The following ZBTB2 variants were observed in gnomAD, a reference collection of about 807,000 sequenced individuals.
ZBTB2 encodes zinc finger and BTB domain-containing protein 2.
ZBTB2 carries 2 observed loss-of-function variants against 39.5 expected under a neutral mutation model. The ratio of observed to expected loss-of-function variants is 0.05; its 90% CI spans 0.02 to 0.16. The LOEUF (loss-of-function observed/expected upper bound fraction) is 0.16, where lower values mean the gene tolerates loss of function less well. ZBTB2 is among the 10% of genes least tolerant of loss of function. ZBTB2 has a pLI of 1.00. For synonymous variants in ZBTB2, 251 were observed against 256.6 expected (o/e 0.98, Z 0.21); for missense variants, 391 against 653.0 (o/e 0.60, Z 4.37).
intron 1 of ZBTB2, among the ~76,000 whole-genome samples, chr6:151,385,978 C>T (rs1193382200): frequency 6.6e-6 from 1 of 152,042 alleles, no homozygotes; most frequent in Non-Finnish European, 1.5e-5. Context: ...GAGGCATAAA[C>T]AGCACTTATT....
intron 1 of ZBTB2, among the ~76,000 whole-genome samples, chr6:151,374,129 G>C (rs1778850296): frequency 6.6e-6 from 1 of 152,102 alleles, no homozygotes; most frequent in South Asian, 2.1e-4. Flanking sequence ...CTTCCACAGA[G>C]ATAGATAAAT....
rs115398588 is a variant in ZBTB2 at position 151,366,556 on chromosome 6, C to T, written c.510G>A (p.Gln170=). Residue 170 remains glutamine, a synonymous_variant, in exon 3 of 3, where the codon CAG becomes CAA. Coordinates refer to ENST00000325144, the MANE Select transcript of ZBTB2 (RefSeq NM_020861.3). The surrounding 1 kb of genome is among the most constrained non-coding windows in gnomAD (Gnocchi z 7.1). ...RPQTSRISQE[Q]VPEASQLSQL... is the part of the protein sequence containing the mutation. Reference sequence around the variant, plus strand: ...GGGAGAGCTGTGAGGCCTCAGGGACCTGCTCCTGGCTTATCCTGGAGGTCT... The same window carrying T: ...GGGAGAGCTGTGAGGCCTCAGGGACTTGCTCCTGGCTTATCCTGGAGGTCT... 6.3e-4 allele frequency: 1,012 copies of T among 1,614,096 alleles called. 2 individuals are homozygous for T. The African/African-American group carries it at 0.012, about 19-fold the overall frequency.
rs1301121824 is a variant in ZBTB2, at chr6:151,365,495, G to C, written c.*26C>G. 1.3e-6 allele frequency: 2 copies of C among 1,571,148 alleles called. No homozygotes were observed. The highest frequency in any genetic ancestry group is 1.9e-5 in the Admixed American group (1 of 51,574). On this transcript the variant is annotated 3_prime_UTR_variant, in exon 3 of 3. Transcript: ENST00000325144. The surrounding 1 kb of genome is among the most constrained non-coding windows in gnomAD (Gnocchi z 5.6). ...GGGAAGATAGTCTTTGTAAAAATGAGAGTTTTTTAAAAAGATAAGTGACAT... is the reference window on the plus strand; with the variant it reads ...GGGAAGATAGTCTTTGTAAAAATGACAGTTTTTTAAAAAGATAAGTGACAT...
chr6:151,365,402 G>A lies in ZBTB2; in HGVS notation c.*119C>T, dbSNP rs2114847358. 8.5e-7 allele frequency: 1 copy of A among 1,183,194 alleles called. No homozygotes were observed. 73.3% of individuals were successfully genotyped at this position (1,183,194 alleles called of 1,614,324 possible). A position where few individuals can be genotyped will look rare whatever the true frequency, so the allele number is the denominator to read the frequency against. Reference sequence around the variant, plus strand: ...GGCTGGGATGTGGAAAAGGGGAAGAGGAGAAGAGAACAAGGACCTGTTTGT... The same window carrying A: ...GGCTGGGATGTGGAAAAGGGGAAGAAGAGAAGAGAACAAGGACCTGTTTGT... On this transcript the variant is annotated 3_prime_UTR_variant, in exon 3 of 3. Coordinates refer to ENST00000325144, the MANE Select transcript of ZBTB2 (RefSeq NM_020861.3). The surrounding 1 kb of genome is among the most constrained non-coding windows in gnomAD (Gnocchi z 5.6).
intron 1 of ZBTB2, among the ~76,000 whole-genome samples, chr6:151,377,685 G>A (rs758829739): frequency 1.1e-4 from 17 of 151,568 alleles, no homozygotes; most frequent in Admixed American, 7.2e-4. Flanking sequence ...GACTACAAGC[G>A]CCCACCACCA....
Position 151,365,318 on chromosome 6 carries a change from C to T in ZBTB2, c.*203G>A. On this transcript the variant is annotated 3_prime_UTR_variant, in exon 3 of 3. Coordinates refer to ENST00000325144, the MANE Select transcript of ZBTB2 (RefSeq NM_020861.3). The surrounding 1 kb of genome is among the most constrained non-coding windows in gnomAD (Gnocchi z 5.6). ...TAATGACCATTATCTTTCCAATATC[C>T]CCTGAAAGAAAGTCGATACATTCCA... 1.8e-6 allele frequency: 1 copy of T among 569,742 alleles called. No homozygotes were observed. The highest frequency in any genetic ancestry group is 3.0e-6 in the Non-Finnish European group (1 of 333,292). The allele number at this position is 569,742 out of a possible 1,614,324, so 35.3% of individuals were successfully genotyped here.
At chr6:151,369,556 G>T (rs929081238) in intron 2 of ZBTB2, among the ~76,000 whole-genome samples, 2 of 152,042 alleles carry the variant, frequency 1.3e-5, no homozygotes, top group African/African-American at 4.8e-5. Context: ...CTGGGCTCAA[G>T]AAATCCTCCT....
intron 1 of ZBTB2, among the ~76,000 whole-genome samples, chr6:151,374,930 T>TAAAAA (rs71556221): frequency 1.4e-4 from 9 of 63,816 alleles, no homozygotes; most frequent in Admixed American, 2.0e-4. Context: ...CCGTCTCTAC[T>TAAAAA]AAAAAAAAAA....
chr6:151,380,039 T>A (rs1195726389), intron 1 of ZBTB2, among the ~76,000 whole-genome samples: 1 of 152,120 alleles, frequency 6.6e-6, no homozygotes, highest in Non-Finnish European at 1.5e-5. Context: ...CTACTAGTTA[T>A]TTTAGAATGT....
At chr6:151,370,665 A>G (rs555195036) in intron 2 of ZBTB2, among the ~76,000 whole-genome samples, 1 of 152,252 alleles carries the variant, frequency 6.6e-6, no homozygotes, top group East Asian at 1.9e-4. Context: ...AACTACAGCC[A>G]GAAATCTCCC....
chr6:151,387,269 T>C (rs1280272967), intron 1 of ZBTB2, among the ~76,000 whole-genome samples: 9 of 152,220 alleles, frequency 5.9e-5, no homozygotes, highest in African/African-American at 1.2e-4. Flanking sequence ...CAACGGATCA[T>C]TTACCCACTC....
intron 1 of ZBTB2, among the ~76,000 whole-genome samples, chr6:151,378,810 G>A (rs1362901942): frequency 1.3e-5 from 2 of 152,194 alleles, no homozygotes; most frequent in Non-Finnish European, 2.9e-5. Flanking sequence ...ATCCCTTGAT[G>A]ATAATGATAA....
intron 1 of ZBTB2, among the ~76,000 whole-genome samples, chr6:151,374,264 C>T (rs1582917622): frequency 6.6e-6 from 1 of 152,308 alleles, no homozygotes; most frequent in East Asian, 1.9e-4. Flanking sequence ...TGACCCTTAA[C>T]ACTTACGGAG....
rs867352785 is a variant in ZBTB2, at chr6:151,390,184, T to G, written c.-13+1236A>C. Among the ~76,000 whole-genome samples the G allele has an allele frequency of 2.0e-3, 307 of 151,900 alleles. 4 individuals carry two copies. The highest frequency in any genetic ancestry group is 6.8e-3 in the Middle Eastern group (2 of 292). ...CCGTACCCGGGACTGGGGCCCGGCCTGCAGCCTCAGCGAGCAGGCGACAAG... is the reference window on the plus strand; with the variant it reads ...CCGTACCCGGGACTGGGGCCCGGCCGGCAGCCTCAGCGAGCAGGCGACAAG... On this transcript the variant is annotated intron_variant, in intron 1 of 2. Coordinates refer to ENST00000325144, the MANE Select transcript of ZBTB2 (RefSeq NM_020861.3).
At chr6:151,384,263 A>G (rs1383127213) in intron 1 of ZBTB2, among the ~76,000 whole-genome samples, 1 of 152,254 alleles carries the variant, frequency 6.6e-6, no homozygotes, top group Non-Finnish European at 1.5e-5. Flanking sequence ...ATTTTGGTCC[A>G]TATCTTAAAA....
At chr6:151,384,475 G>C (rs1779108897) in intron 1 of ZBTB2, among the ~76,000 whole-genome samples, 1 of 152,184 alleles carries the variant, frequency 6.6e-6, no homozygotes, top group Non-Finnish European at 1.5e-5. Flanking sequence ...GAGAAAGATG[G>C]AGGAAATTGA....
chr6:151,373,375 C>T (rs1018053927), intron 2 of ZBTB2, 90 bp downstream of exon 2: 36 of 1,439,818 alleles, frequency 2.5e-5, no homozygotes, highest in Non-Finnish European at 2.9e-5. Context: ...AGCTAGGAGA[C>T]GTAGAGAGAC....
At chr6:151,389,580 A>G (rs944294470) in intron 1 of ZBTB2, among the ~76,000 whole-genome samples, 1 of 152,230 alleles carries the variant, frequency 6.6e-6, no homozygotes, top group Admixed American at 6.5e-5. Context: ...TGGAGTTCTG[A>G]TAATTCTGAC....
intron 2 of ZBTB2, among the ~76,000 whole-genome samples, chr6:151,372,839 G>A (rs1211771699): frequency 1.3e-5 from 2 of 152,000 alleles, no homozygotes; most frequent in Admixed American, 6.6e-5. Flanking sequence ...GGTTCGCTGA[G>A]GTTGGGTGGC....
Sources: gnomAD v4.1 joint callset for allele counts (sites outside exome capture counted in the v4.1 genomes callset) on GRCh38, gnomAD v4.1.1 for gene constraint, Gnocchi (gnomAD v3.1) non-coding constraint, MANE v1.5 for transcripts, NCBI Gene and HGNC (gene_info 2026-07-23, HGNC 2026-07-21) for gene names.